Variants in ZNF48 observed in about 807,000 individuals in gnomAD.
The protein encoded by ZNF48 is zinc finger protein 48.
In ZNF48, 20 loss-of-function variants were observed where a neutral mutation model predicts 40.0. The ratio of observed to expected loss-of-function variants is 0.50; its 90% CI spans 0.35 to 0.73. ZNF48 has a LOEUF of 0.73. ZNF48 is among the 30% of genes least tolerant of loss of function. The pLI is 0.01. For missense variants in ZNF48, 726 were observed against 851.9 expected (o/e 0.85, Z 1.84); for synonymous variants, 298 against 329.7 (o/e 0.90, Z 1.04).
rs1477125268 is a variant in ZNF48 at position 30,398,711 on chromosome 16, T to C, written c.1461T>C (p.Gly487=). The change falls in exon 3 of 3, where the codon GGT becomes GGC. Residue 487 remains glycine, a synonymous_variant. Transcript: ENST00000613509. This position sits in a 1 kb window ranked among gnomAD's most constrained non-coding sequence, Gnocchi z 6.6. ...KPYLCPECGK[G]FADSSARVKH... is the part of the protein sequence containing the mutation. ...ACCTCTGTCCTGAATGCGGCAAGGG[T>C]TTTGCTGACAGCTCAGCCCGAGTCA... is the stretch of plus-strand genomic sequence containing the variant. 1.2e-6 allele frequency: 2 copies of C among 1,612,768 alleles called. No homozygotes were observed. The highest frequency in any genetic ancestry group is 2.2e-5 in the South Asian group (2 of 91,020).
chr16:30,383,062 G>T (rs756855792), intron 1 of ZNF48: 32 of 495,588 alleles, frequency 6.5e-5, no homozygotes, highest in Non-Finnish European at 1.0e-4. Context: ...CAATCCTGTA[G>T]TCCCAGCTAC....
At chr16:30,391,312 C>T (rs2049941076), upstream of ZNF48, among the ~76,000 whole-genome samples, 1 of 152,072 alleles carries the variant, frequency 6.6e-6, no homozygotes, top group East Asian at 1.9e-4. Context: ...GCCTCAGCCT[C>T]CTGAGTAGCT....
intron 1 of ZNF48, chr16:30,379,806 C>T: frequency 1.5e-6 from 1 of 655,958 alleles, no homozygotes; most frequent in East Asian, 2.6e-5. Flanking sequence ...GGGGTCTCGC[C>T]ATGTTGCCCA....
intron 1 of ZNF48, chr16:30,378,875 A>AGACG (rs2049794671): frequency 2.9e-5 from 12 of 414,802 alleles, no homozygotes; most frequent in South Asian, 2.1e-4. Flanking sequence ...AGAGACGGAG[A>AGACG]GAGGGAGGGA....
At position 30,381,239 on chromosome 16, in the gene ZNF48, C is replaced by T. The variant is rs200056893; in HGVS notation, c.-16+2829C>T. On this transcript the variant is annotated intron_variant, in intron 1 of 2. Coordinates refer to the ZNF48 transcript ENST00000528032. This position sits in a 1 kb window ranked among gnomAD's most constrained non-coding sequence, Gnocchi z 4.3. ...CCGGAGGAAGGCCACATCTAGGGGC[C>T]GGAGCCTGCACCCAGGGATTGGTCA... 32 of 1,613,944 alleles carry T rather than the reference C, an allele frequency of 2.0e-5. No individual in the cohort carries two copies. Among genetic ancestry groups the T allele is most frequent in the African/African-American group, 1.9e-4 (14 of 74,964 alleles).
intron 1 of ZNF48, among the ~76,000 whole-genome samples, chr16:30,384,026 G>A (rs956351239): frequency 1.3e-5 from 2 of 151,570 alleles, no homozygotes; most frequent in African/African-American, 4.9e-5. Context: ...AGACCAGCCT[G>A]GCCAACATGG....
At chr16:30,390,735 C>T (rs2049936577), upstream of ZNF48, among the ~76,000 whole-genome samples, 1 of 150,832 alleles carries the variant, frequency 6.6e-6, no homozygotes, top group African/African-American at 2.4e-5. Context: ...ATTATCCTGC[C>T]TCAGCCTCCT....
chr16:30,392,149 A>T (rs2049947328), upstream of ZNF48, among the ~76,000 whole-genome samples: 1 of 152,074 alleles, frequency 6.6e-6, no homozygotes, highest in African/African-American at 2.4e-5. Flanking sequence ...CAGCCTCCTG[A>T]GTATCTGGGA....
Position 30,399,076 on chromosome 16 carries a change from T to C in ZNF48, c.1826T>C (p.Leu609Pro). The C allele has an allele frequency of 1.9e-6, 3 of 1,600,654 alleles. No individual in the cohort carries two copies. The highest frequency in any genetic ancestry group is 2.6e-6 in the Non-Finnish European group (3 of 1,172,666). ...FGIGDGRARP[L>P]KQEAATGLE is the part of the protein sequence containing the mutation. ...ATAGGGGATGGTAGGGCAAGGCCCC[T>C]CAAGCAGGAGGCAGCAACAGGACTG... is the stretch of plus-strand genomic sequence containing the variant. The change falls in exon 3 of 3, where the codon CTC (leucine) becomes CCC (proline). Residue 609 changes from leucine to proline, a missense_variant. Leu to Pro is a moderately conservative substitution (Grantham distance 98). Transcript: ENST00000613509.
Position 30,397,793 on chromosome 16 carries a change from T to A in ZNF48, c.543T>A (p.Pro181=). ...RPPAQGPPKI[P]RSRIPAGERP... The stretch of plus-strand genomic sequence containing the variant: ...CAGCCCAGGGTCCCCCAAAGATTCC[T>A]CGGTCCCGGATCCCTGCTGGTGAGC... Residue 181 remains proline (P), a synonymous_variant, in exon 3 of 3, where the codon CCT becomes CCA. Coordinates refer to ENST00000613509, the MANE Select transcript of ZNF48 (RefSeq NM_001214909.2). This position sits in a 1 kb window ranked among gnomAD's most constrained non-coding sequence, Gnocchi z 4.1. The A allele has an allele frequency of 6.2e-7, 1 of 1,613,300 alleles. No individual in the cohort carries two copies. Among genetic ancestry groups the A allele is most frequent in the South Asian group, 1.1e-5 (1 of 91,068 alleles).
chr16:30,394,028 CTCTT>C (rs1403306162), upstream of ZNF48, among the ~76,000 whole-genome samples: 2 of 151,362 alleles, frequency 1.3e-5, no homozygotes, highest in Admixed American at 1.3e-4. Flanking sequence ...CATTCTCTCT[CTCTT>C]TTTTTTTTTT....
chr16:30,387,011 T>C (rs1215853089), intron 1 of ZNF48, among the ~76,000 whole-genome samples: 10 of 147,754 alleles, frequency 6.8e-5, no homozygotes, highest in South Asian at 2.2e-4. Context: ...GGCACGATCT[T>C]GGCTCACTGC....
In ZNF48 at chr16:30,396,026, G is replaced by T. The variant is rs1428050800; in HGVS notation, c.79+153G>T. On this transcript the variant is annotated intron_variant, in intron 2 of 2. Coordinates refer to ENST00000613509, the MANE Select transcript of ZNF48 (RefSeq NM_001214909.2). ...GGAGCTTTCGGAGCACCAACTGTGC[G>T]CCAGGCCGGGAGGGGCTCTTCACGG... 3 of 767,766 alleles carry T rather than the reference G, an allele frequency of 3.9e-6. No individual in the cohort carries two copies. In the African/African-American group the frequency reaches 5.4e-5, roughly 14 times the overall value. The allele number at this position is 767,766 out of a possible 1,614,324, so 47.6% of individuals were successfully genotyped here.
chr16:30,397,951 C>T lies in ZNF48; in HGVS notation c.701C>T (p.Ala234Val), dbSNP rs1330084509. 1 of 1,613,006 alleles carries T rather than the reference C, an allele frequency of 6.2e-7. No homozygotes were observed. Among genetic ancestry groups the T allele is most frequent in the South Asian group, 1.1e-5 (1 of 91,062 alleles). The change falls in exon 3 of 3, where the codon GCC (alanine) becomes GTC (valine). Residue 234 changes from alanine to valine, a missense_variant. Physicochemically the swap from Ala to Val is moderately conservative, Grantham distance 64. This residue lies in a region of ZNF48 where 378 missense variants were observed against 449.1 expected (regional missense o/e 0.84). Transcript: ENST00000613509. This position sits in a 1 kb window ranked among gnomAD's most constrained non-coding sequence, Gnocchi z 4.1. ...ICGKGFGDSS[A>V]RIKHQRTHRG... The stretch of plus-strand genomic sequence containing the variant: ...GGCAAGGGCTTTGGCGACAGTTCCG[C>T]CCGCATCAAGCACCAGCGGACACAC...
At position 30,381,814 on chromosome 16, in the gene ZNF48, T is replaced by C. The variant is rs529590439; in HGVS notation, c.-16+3404T>C. On this transcript the variant is annotated intron_variant, in intron 1 of 2. Transcript: ENST00000528032. The surrounding 1 kb of genome is among the most constrained non-coding windows in gnomAD (Gnocchi z 4.3). ...GCCAGGTGTGTCCACAAGGGTCAGC[T>C]TCACTTTCACACCCCCTTCCTCAAT... 1 of 1,614,178 alleles carries C rather than the reference T, an allele frequency of 6.2e-7. No homozygotes were observed. The highest frequency in any genetic ancestry group is 1.1e-5 in the South Asian group (1 of 91,088).
At position 30,381,935 on chromosome 16, in the gene ZNF48, A is replaced by T. The variant is rs751053673; in HGVS notation, c.-16+3525A>T. 1 of 1,610,804 alleles carries T rather than the reference A, an allele frequency of 6.2e-7. No homozygotes were observed. Among genetic ancestry groups the T allele is most frequent in the Non-Finnish European group, 8.5e-7 (1 of 1,178,450 alleles). ...TCCGGGGAGGCTCTGAGGCAGAATT[A>T]ATTTCCTTTGTCAATATCACAGTTG... is the stretch of plus-strand genomic sequence containing the variant. On this transcript the variant is annotated intron_variant, in intron 1 of 2. Coordinates refer to the ZNF48 transcript ENST00000528032. This position sits in a 1 kb window ranked among gnomAD's most constrained non-coding sequence, Gnocchi z 4.3.
upstream of ZNF48, among the ~76,000 whole-genome samples, chr16:30,391,094 C>T (rs745704250): frequency 2.0e-5 from 3 of 152,226 alleles, no homozygotes; most frequent in East Asian, 3.9e-4. Context: ...TGTAAACTCA[C>T]GGCACATTAA....
rs772784242 is a variant in ZNF48, at chr16:30,381,241, G to A, written c.-16+2831G>A. ...GGAGGAAGGCCACATCTAGGGGCCG[G>A]AGCCTGCACCCAGGGATTGGTCATT... On this transcript the variant is annotated intron_variant, in intron 1 of 2. Coordinates refer to the ZNF48 transcript ENST00000528032. The surrounding 1 kb of genome is among the most constrained non-coding windows in gnomAD (Gnocchi z 4.3). 2 of 1,614,042 alleles carry A rather than the reference G, an allele frequency of 1.2e-6. No individual in the cohort carries two copies. Among genetic ancestry groups the A allele is most frequent in the South Asian group, 1.1e-5 (1 of 91,084 alleles).
Position 30,395,867 on chromosome 16 carries a change from C to T in ZNF48, c.73C>T (p.Arg25Cys). ...GGAGAGGGAGCCACAGAGAGGCGCCCGCACAGGTGAGGGCCTCGGCCGTGC... is the reference window on the plus strand; with the variant it reads ...GGAGAGGGAGCCACAGAGAGGCGCCTGCACAGGTGAGGGCCTCGGCCGTGC... ...PEEREPQRGA[R>C]TGLGSENVIS... is the part of the protein sequence containing the mutation. Residue 25 changes from arginine (R) to cysteine (C), a missense_variant, in exon 2 of 3, where the codon CGC becomes TGC. This residue lies in a region of ZNF48 where 151 missense variants were observed against 162.3 expected (regional missense o/e 0.93). Coordinates refer to ENST00000613509, the MANE Select transcript of ZNF48 (RefSeq NM_001214909.2). The surrounding 1 kb of genome is among the most constrained non-coding windows in gnomAD (Gnocchi z 5.9). 6.5e-7 allele frequency: 1 copy of T among 1,540,904 alleles called. No homozygotes were observed. The highest frequency in any genetic ancestry group is 8.7e-7 in the Non-Finnish European group (1 of 1,147,900).
Sources: gnomAD v4.1 joint callset for allele counts (sites outside exome capture counted in the v4.1 genomes callset) on GRCh38, gnomAD v4.1.1 for gene constraint, gnomAD v4.1.1 regional missense constraint, Gnocchi (gnomAD v3.1) non-coding constraint, MANE v1.5 for transcripts, NCBI Gene and HGNC (gene_info 2026-07-23, HGNC 2026-07-21) for gene names.